GUCY1A2: variants seen among roughly 807,000 people sequenced by gnomAD.
GUCY1A2 encodes the protein guanylate cyclase 1 soluble subunit alpha 2, also known as guanylate cyclase soluble subunit alpha-2.
In GUCY1A2, 27 loss-of-function variants were observed where a neutral mutation model predicts 63.5. That is an observed-to-expected ratio of 0.43 (90% CI 0.31 to 0.59). The LOEUF is 0.59. Ranked by LOEUF, GUCY1A2 falls within the 20% of genes least tolerant of loss-of-function variation. The pLI, the probability that GUCY1A2 is intolerant of heterozygous loss-of-function variation, is 0.11. For missense variants in GUCY1A2, 768 were observed against 913.3 expected (o/e 0.84, Z 2.05); for synonymous variants, 364 against 343.5 (o/e 1.06, Z -0.66).
At chr11:106,736,079 G>T (rs1863584791) in intron 6 of GUCY1A2, among the ~76,000 whole-genome samples, 1 of 151,840 alleles carries the variant, frequency 6.6e-6, no homozygotes, top group Non-Finnish European at 1.5e-5. Context: ...CCATTCTGTG[G>T]GTTGTATCTT....
chr11:106,676,387 T>A lies in GUCY1A2; in HGVS notation c.*11162A>T, dbSNP rs1043265414. 8.6e-5 allele frequency: 16 copies of A among 186,586 alleles called. No homozygotes were observed. Among genetic ancestry groups the A allele is most frequent in the Admixed American group, 1.9e-4 (3 of 16,068 alleles). The allele number at this position is 186,586 out of a possible 1,614,324, so 11.6% of individuals were successfully genotyped here. A position where few individuals can be genotyped will look rare whatever the true frequency, so the allele number is the denominator to read the frequency against. ...CTCTTGATCCAAGCTGTACTTTTTTTTTTTTTGTATTTAATAAAATGGCAA... is the reference window on the plus strand; with the variant it reads ...CTCTTGATCCAAGCTGTACTTTTTTATTTTTTGTATTTAATAAAATGGCAA... On this transcript the variant is annotated 3_prime_UTR_variant, in exon 8 of 8. Transcript: ENST00000526355.
intron 1 of GUCY1A2, among the ~76,000 whole-genome samples, chr11:106,997,956 G>C (rs889379542): frequency 8.6e-5 from 13 of 152,012 alleles, no homozygotes; most frequent in African/African-American, 3.1e-4. Flanking sequence ...TCACAGTCCT[G>C]AGGTGGGGAA....
intron 4 of GUCY1A2, among the ~76,000 whole-genome samples, chr11:106,884,749 C>A (rs1859875674): frequency 6.6e-6 from 1 of 152,060 alleles, no homozygotes. Flanking sequence ...AGCTATACTT[C>A]TAGTTTTTAT....
intron 6 of GUCY1A2, among the ~76,000 whole-genome samples, chr11:106,731,258 T>C (rs1863498433): frequency 6.6e-6 from 1 of 152,066 alleles, no homozygotes; most frequent in African/African-American, 2.4e-5. Flanking sequence ...ATGTGATTCA[T>C]CACCTAAAGA....
chr11:106,705,703 ACAAAAAATT>A (rs1159215129), intron 7 of GUCY1A2, among the ~76,000 whole-genome samples: 1 of 152,062 alleles, frequency 6.6e-6, no homozygotes, highest in Non-Finnish European at 1.5e-5. Context: ...TACTAAAAAT[ACAAAAAATT>A]AGCCAGGTGT....
At chr11:106,971,896 C>T (rs1194291668) in intron 3 of GUCY1A2, among the ~76,000 whole-genome samples, 1 of 152,078 alleles carries the variant, frequency 6.6e-6, no homozygotes, top group Non-Finnish European at 1.5e-5. Flanking sequence ...AAAGATGAGT[C>T]TGGAACATCT....
At chr11:106,757,499 G>A (rs1443117048) in intron 6 of GUCY1A2, among the ~76,000 whole-genome samples, 1 of 152,072 alleles carries the variant, frequency 6.6e-6, no homozygotes, top group Non-Finnish European at 1.5e-5. Context: ...TATCTACCTT[G>A]GTCTTTGATA....
At chr11:106,808,744 C>A (rs930767878) in intron 5 of GUCY1A2, among the ~76,000 whole-genome samples, 13 of 152,004 alleles carry the variant, frequency 8.6e-5, no homozygotes, top group African/African-American at 3.1e-4. Flanking sequence ...TGTAATAGTG[C>A]CCCAAGTATG....
chr11:106,943,155 G>T (rs966141530), intron 3 of GUCY1A2, among the ~76,000 whole-genome samples: 1 of 152,152 alleles, frequency 6.6e-6, no homozygotes, highest in East Asian at 1.9e-4. Context: ...CAATAGCCAA[G>T]ACTTTGATTT....
intron 6 of GUCY1A2, among the ~76,000 whole-genome samples, chr11:106,710,575 G>T (rs1289919790): frequency 4.6e-5 from 7 of 150,840 alleles, no homozygotes; most frequent in Admixed American, 3.3e-4. Context: ...CAACCCTTGA[G>T]ACAGTCAATA....
chr11:106,711,745 G>A (rs7933195), intron 6 of GUCY1A2, among the ~76,000 whole-genome samples: 1 of 151,824 alleles, frequency 6.6e-6, no homozygotes, highest in Non-Finnish European at 1.5e-5. Flanking sequence ...ATAAATTCCC[G>A]CTGCTTTTTT....
At chr11:106,709,436 TATA>T (rs751489096) in intron 6 of GUCY1A2, among the ~76,000 whole-genome samples, 14,862 of 94,318 alleles carry the variant, frequency 0.16, 1,410 homozygotes, top group African/African-American at 0.24. Context: ...TATAAGTATA[TATA>T]ATAATATATA....
Position 106,966,415 on chromosome 11 carries a change from C to G in GUCY1A2, c.487+12204G>C, listed in dbSNP as rs113212434. 3.3e-3 allele frequency among the ~76,000 whole-genome samples: 506 copies of G among 152,128 alleles called. 3 individuals carry two copies. Among genetic ancestry groups the G allele is most frequent in the African/African-American group, 0.012 (486 of 41,526 alleles). On this transcript the variant is annotated intron_variant, in intron 3 of 7. Transcript: ENST00000526355. Reference sequence around the variant, plus strand: ...GAGCCACCGCGCCCGGCCCCATTGTCTTATTTTTCTTCACAGCATGCATCA... The same window carrying G: ...GAGCCACCGCGCCCGGCCCCATTGTGTTATTTTTCTTCACAGCATGCATCA...
At chr11:106,736,688 G>C (rs1432120496) in intron 6 of GUCY1A2, among the ~76,000 whole-genome samples, 2 of 152,136 alleles carry the variant, frequency 1.3e-5, no homozygotes, top group Non-Finnish European at 2.9e-5. Context: ...TATTTTGATA[G>C]TGATTGCATT....
chr11:106,796,183 T>C (rs997338952), intron 5 of GUCY1A2, among the ~76,000 whole-genome samples: 22 of 152,194 alleles, frequency 1.4e-4, no homozygotes, highest in South Asian at 2.1e-4. Flanking sequence ...CATCCCTTTA[T>C]TTTGAGCCTA....
intron 1 of GUCY1A2, among the ~76,000 whole-genome samples, chr11:106,998,320 T>C (rs1861567415): frequency 6.6e-6 from 1 of 152,150 alleles, no homozygotes; most frequent in Admixed American, 6.5e-5. Flanking sequence ...AAAGGGATAT[T>C]GGGAACAGCT....
intron 4 of GUCY1A2, among the ~76,000 whole-genome samples, chr11:106,933,875 T>A (rs1404875181): frequency 6.6e-6 from 1 of 152,184 alleles, no homozygotes; most frequent in East Asian, 1.9e-4. Flanking sequence ...TACCGCATGT[T>A]CTCACTTAAA....
At chr11:106,918,218 G>T (rs1161109597) in intron 4 of GUCY1A2, among the ~76,000 whole-genome samples, 1 of 143,808 alleles carries the variant, frequency 7.0e-6, no homozygotes, top group Non-Finnish European at 1.6e-5. Context: ...GCACACCACA[G>T]ATTTACTTGC....
intron 4 of GUCY1A2, among the ~76,000 whole-genome samples, chr11:106,903,742 T>C (rs1316142303): frequency 6.6e-6 from 1 of 152,170 alleles, no homozygotes; most frequent in Non-Finnish European, 1.5e-5. Flanking sequence ...TTCTGTGAAG[T>C]GTTATTACCT....
Sources: gnomAD v4.1 joint callset for allele counts (sites outside exome capture counted in the v4.1 genomes callset) on GRCh38, gnomAD v4.1.1 for gene constraint, MANE v1.5 for transcripts, NCBI Gene and HGNC (gene_info 2026-07-23, HGNC 2026-07-21) for gene names.